Variants in POLQ observed in about 807,000 individuals in gnomAD.
The protein encoded by POLQ is epididymis secretory sperm binding protein.
In POLQ, 233 loss-of-function variants were observed where a neutral mutation model predicts 259.2. The observed-to-expected ratio is 0.90, with a 90% CI of 0.81 to 1.00. POLQ has a LOEUF of 1.00. POLQ is among the 50% of genes least tolerant of loss of function. The pLI, the probability that POLQ is intolerant of heterozygous loss-of-function variation, is 0.00. For missense variants in POLQ, 2,871 were observed against 3,051.6 expected (o/e 0.94, Z 1.39); for synonymous variants, 1,025 against 1,048.8 (o/e 0.98, Z 0.44).
At chr3:121,501,434 C>A (rs1236632834) in intron 12 of POLQ, among the ~76,000 whole-genome samples, 1 of 146,938 alleles carries the variant, frequency 6.8e-6, no homozygotes, top group African/African-American at 2.5e-5. Flanking sequence ...CCGAGGCGGG[C>A]GGATCACGAG....
intron 12 of POLQ, among the ~76,000 whole-genome samples, chr3:121,500,278 CAAA>C (rs1187939050): frequency 1.9e-5 from 1 of 52,850 alleles, no homozygotes; most frequent in African/African-American, 5.8e-5. Context: ...GAATATGTCT[CAAA>C]AAAAAAAAAA....
At chr3:121,526,052 A>G (rs1179509232) in intron 7 of POLQ, among the ~76,000 whole-genome samples, 4 of 152,152 alleles carry the variant, frequency 2.6e-5, no homozygotes, top group Non-Finnish European at 5.9e-5. Flanking sequence ...CATAGAGTAC[A>G]GTGCGTAATG....
At position 121,458,156 on chromosome 3, in the gene POLQ, G is replaced by T. The variant is rs1338924244; in HGVS notation, c.7152+1894C>A. On this transcript the variant is annotated intron_variant, in intron 25 of 29. Transcript: ENST00000264233. The stretch of plus-strand genomic sequence containing the variant: ...AAGAACAAAAAACCAAACACCGCAT[G>T]TTCTCACTCATAGGTGGGAATTGAA... Among the ~76,000 whole-genome samples the T allele has an allele frequency of 2.6e-5, 4 of 151,914 alleles. No homozygotes were observed. In the East Asian group the frequency reaches 7.7e-4, roughly 29 times the overall value.
rs2048036565 is a variant in POLQ at position 121,488,749 on chromosome 3, A to G, written c.4182T>C (p.Thr1394=). The change falls in exon 16 of 30, where the codon ACT becomes ACC. Residue 1394 remains threonine, a synonymous_variant. Coordinates refer to ENST00000264233, the MANE Select transcript of POLQ (RefSeq NM_199420.4). ...ATKIDHLDLK[T]VGTMKQSSDS... ...CACTGCTTTGTTTCATAGTACCTAC[A>G]GTCTTAAGGTCCAAATGATCTATCT... 2 of 1,614,018 alleles carry G rather than the reference A, an allele frequency of 1.2e-6. No homozygotes were observed. Among genetic ancestry groups the G allele is most frequent in the East Asian group, 4.5e-5 (2 of 44,874 alleles).
intron 26 of POLQ, among the ~76,000 whole-genome samples, chr3:121,445,495 T>C (rs999172002): frequency 3.3e-5 from 5 of 152,186 alleles, no homozygotes. Context: ...TCATTTCTGA[T>C]TTTATTTATT....
At chr3:121,492,686 A>C (rs1031248080) in intron 15 of POLQ, among the ~76,000 whole-genome samples, 9 of 150,114 alleles carry the variant, frequency 6.0e-5, no homozygotes, top group African/African-American at 2.2e-4. Context: ...CCCAGGCTGG[A>C]GTTCAGTGGC....
At position 121,432,917 on chromosome 3, in the gene POLQ, C is replaced by T; in HGVS notation, c.7659+1G>A. 6.5e-7 allele frequency: 1 copy of T among 1,536,110 alleles called. No individual in the cohort carries two copies. The highest frequency in any genetic ancestry group is 9.0e-7 in the Non-Finnish European group (1 of 1,109,250). Reference sequence around the variant, plus strand: ...AATGGACACAAGCATTGCAAAAATACCTGAACAACATCTTCTTCTGCCACT... The same window carrying T: ...AATGGACACAAGCATTGCAAAAATATCTGAACAACATCTTCTTCTGCCACT... On this transcript the variant is annotated splice_donor_variant, in intron 29 of 29. Coordinates refer to ENST00000264233, the MANE Select transcript of POLQ (RefSeq NM_199420.4). LOFTEE classifies it high-confidence loss of function.
intron 6 of POLQ, among the ~76,000 whole-genome samples, chr3:121,530,628 C>T (rs2048404591): frequency 1.3e-5 from 2 of 152,110 alleles, no homozygotes; most frequent in South Asian, 4.1e-4. Flanking sequence ...AACATTATCT[C>T]AAAGAAAGGC....
At chr3:121,521,389 AC>A (rs1406436283) in intron 8 of POLQ, among the ~76,000 whole-genome samples, 1 of 152,026 alleles carries the variant, frequency 6.6e-6, no homozygotes, top group Non-Finnish European at 1.5e-5. Flanking sequence ...CCATATATAT[AC>A]CCCCTCACAC....
chr3:121,503,444 C>A (rs1485238644), intron 12 of POLQ, among the ~76,000 whole-genome samples: 4 of 152,164 alleles, frequency 2.6e-5, no homozygotes, highest in African/African-American at 9.7e-5. Flanking sequence ...TACAGGGGAA[C>A]AAATTCCCTG....
intron 5 of POLQ, among the ~76,000 whole-genome samples, chr3:121,535,738 G>GAAT (rs1477791710): frequency 2.1e-4 from 27 of 131,544 alleles, no homozygotes; most frequent in Admixed American, 7.7e-5. Flanking sequence ...AAAAAAGAAA[G>GAAT]AATTATGAGG....
intron 26 of POLQ, among the ~76,000 whole-genome samples, chr3:121,441,441 TTAAG>T (rs1209509569): frequency 1.3e-5 from 2 of 152,216 alleles, no homozygotes; most frequent in Admixed American, 6.5e-5. Context: ...TATGATACTC[TTAAG>T]TTTTTCATGT....
At position 121,498,622 on chromosome 3, in the gene POLQ, A is replaced by G; in HGVS notation, c.2008T>C (p.Phe670Leu). The G allele has an allele frequency of 2.5e-6, 4 of 1,613,980 alleles. No individual in the cohort carries two copies. Among genetic ancestry groups the G allele is most frequent in the African/African-American group, 1.3e-5 (1 of 75,058 alleles). ...GTTGGCAACTTCTCCCATAAACAGA[A>G]AAATCGATACCAATCAATAGTAGTC... The part of the protein sequence containing the change: ...DWTTIDWYRF[F>L]CLWEKLPTSM... Residue 670 changes from phenylalanine to leucine, a missense_variant, in exon 13 of 30, where the codon TTC (phenylalanine) becomes CTC (leucine). Phe to Leu is a conservative substitution (Grantham distance 22, BLOSUM62 0). Coordinates refer to ENST00000264233, the MANE Select transcript of POLQ (RefSeq NM_199420.4).
At chr3:121,480,645 A>G (rs960527323) in intron 19 of POLQ, among the ~76,000 whole-genome samples, 5 of 151,310 alleles carry the variant, frequency 3.3e-5, no homozygotes, top group Admixed American at 6.6e-5. Flanking sequence ...GAAAGTGCAG[A>G]AAAAAAAAGG....
At chr3:121,474,029 C>T (rs752923736) in intron 20 of POLQ, among the ~76,000 whole-genome samples, 5 of 152,152 alleles carry the variant, frequency 3.3e-5, no homozygotes, top group Non-Finnish European at 5.9e-5. Context: ...ACACAGCCAG[C>T]TTTTAAGCAG....
At chr3:121,434,673 G>A (rs376463809) in intron 28 of POLQ, among the ~76,000 whole-genome samples, 18 of 152,146 alleles carry the variant, frequency 1.2e-4, no homozygotes, top group African/African-American at 2.4e-4. Flanking sequence ...TGTTATCTAC[G>A]TATTTTTGTA....
Position 121,446,871 on chromosome 3 carries a change from T to C in POLQ, c.7264+2444A>G, listed in dbSNP as rs533987272. On this transcript the variant is annotated intron_variant, in intron 26 of 29. Coordinates refer to ENST00000264233, the MANE Select transcript of POLQ (RefSeq NM_199420.4). Reference sequence around the variant, plus strand: ...TGTGTTTCCTGTAGGGAACAGATCATTGGGTCTTGTTTTTCTTTTTTTAAA... The same window carrying C: ...TGTGTTTCCTGTAGGGAACAGATCACTGGGTCTTGTTTTTCTTTTTTTAAA... Among the ~76,000 whole-genome samples the C allele has an allele frequency of 8.5e-5, 13 of 152,268 alleles. No homozygotes were observed. The South Asian group carries it at 1.9e-3, about 22-fold the overall frequency.
intron 28 of POLQ, among the ~76,000 whole-genome samples, chr3:121,434,193 T>TC (rs1206009483): frequency 6.6e-6 from 1 of 152,186 alleles, no homozygotes; most frequent in African/African-American, 2.4e-5. Context: ...ATGCTCTTGT[T>TC]CCCCATATGG....
chr3:121,518,096 C>T lies in POLQ; in HGVS notation c.1468+1775G>A, dbSNP rs376004517. ...GGTTCCTGCAAGCCTCTAGTAAAAA[C>T]ATTTTCATCACTTCATCAATACAAA... On this transcript the variant is annotated intron_variant, in intron 9 of 29. Coordinates refer to ENST00000264233, the MANE Select transcript of POLQ (RefSeq NM_199420.4). 8.5e-5 allele frequency among the ~76,000 whole-genome samples: 13 copies of T among 152,322 alleles called. No homozygotes were observed. The East Asian group carries it at 1.2e-3, about 14-fold the overall frequency.
Sources: allele counts gnomAD v4.1 joint callset (sites outside exome capture counted in the v4.1 genomes callset), GRCh38; gene constraint gnomAD v4.1.1; transcripts MANE v1.5; gene names NCBI Gene and HGNC (gene_info 2026-07-23, HGNC 2026-07-21).